Variants in METTL15 observed in about 807,000 individuals in gnomAD.
The protein encoded by METTL15 is methyltransferase 15, mitochondrial 12S rRNA N4-cytidine.
A neutral mutation model predicts 38.3 loss-of-function variants in METTL15; 34 were observed. That is an observed-to-expected ratio of 0.89 (90% CI 0.68 to 1.18). The LOEUF (loss-of-function observed/expected upper bound fraction) is 1.18. Among genes scored for constraint, METTL15 ranks in the 50% most tolerant of loss-of-function variants. The pLI is 0.00. For synonymous variants in METTL15, 162 were observed against 170.9 expected (o/e 0.95, Z 0.41); for missense variants, 438 against 498.4 (o/e 0.88, Z 1.15).
At chr11:28,304,959 A>G (rs545956204) in intron 6 of METTL15, among the ~76,000 whole-genome samples, 2 of 152,300 alleles carry the variant, frequency 1.3e-5, no homozygotes, top group East Asian at 1.9e-4. Flanking sequence ...GGTCAAACCT[A>G]CAGTTGAATT....
At chr11:28,123,973 A>G in intron 3 of METTL15, 1 of 958,354 alleles carries the variant, frequency 1.0e-6, no homozygotes, top group Non-Finnish European at 1.4e-6. Flanking sequence ...ATAGAGTTGT[A>G]TAAGATTTTA....
In METTL15 at chr11:28,310,878, A is replaced by ATGCTGCTGCTGC. The variant is rs878913369; in HGVS notation, c.778+13974_778+13985dup. Among the ~76,000 whole-genome samples the ATGCTGCTGCTGC allele has an allele frequency of 6.5e-3, 422 of 64,712 alleles. 21 individuals are homozygous for ATGCTGCTGCTGC. The highest frequency in any genetic ancestry group is 0.016 in the African/African-American group (205 of 13,198). The allele number at this position is 64,712 out of a possible 152,430, so 42.5% of individuals were successfully genotyped here. On this transcript the variant is annotated intron_variant, in intron 6 of 6. Coordinates refer to ENST00000407364, the MANE Select transcript of METTL15 (RefSeq NM_001113528.2). ...TTTTCATCTTTAAGACCTAGCTTAAATGCTGCTGCTGCTGCTGCTGCTGCT... is the reference window on the plus strand; with the variant it reads ...TTTTCATCTTTAAGACCTAGCTTAAATGCTGCTGCTGCTGCTGCTGCTGCTGCTGCTGCTGCT...
intron 5 of METTL15, among the ~76,000 whole-genome samples, chr11:28,400,734 G>T (rs1850623138): frequency 6.6e-6 from 1 of 151,842 alleles, no homozygotes; most frequent in Non-Finnish European, 1.5e-5. Flanking sequence ...ACTGTGGGTG[G>T]GCTTGGTCAA....
intron 6 of METTL15, among the ~76,000 whole-genome samples, chr11:28,506,675 T>A (rs1356005799): frequency 6.6e-6 from 1 of 151,934 alleles, no homozygotes; most frequent in African/African-American, 2.4e-5. Context: ...CCTTTTGCTG[T>A]GTTCAAAGTG....
At chr11:28,389,961 T>A (rs1203423056) in intron 5 of METTL15, among the ~76,000 whole-genome samples, 4 of 152,154 alleles carry the variant, frequency 2.6e-5, no homozygotes, top group African/African-American at 9.7e-5. Context: ...GTGGTTTTGA[T>A]TTGCATTTCT....
At chr11:28,305,305 G>A (rs891147471) in intron 6 of METTL15, among the ~76,000 whole-genome samples, 22 of 152,058 alleles carry the variant, frequency 1.4e-4, no homozygotes, top group African/African-American at 5.1e-4. Flanking sequence ...TGTTCCAGTC[G>A]CAACTGACTA....
intron 3 of METTL15, among the ~76,000 whole-genome samples, chr11:28,145,957 T>C (rs1849868152): frequency 6.6e-6 from 1 of 152,078 alleles, no homozygotes. Flanking sequence ...CCACTGCTAT[T>C]TTAATGAGTT....
intron 6 of METTL15, among the ~76,000 whole-genome samples, chr11:28,487,873 A>G (rs1851451259): frequency 6.6e-6 from 1 of 152,172 alleles, no homozygotes; most frequent in African/African-American, 2.4e-5. Flanking sequence ...AGTAAGAAGG[A>G]GCAAACATTT....
At chr11:28,150,445 C>T (rs1378645220) in intron 3 of METTL15, among the ~76,000 whole-genome samples, 1 of 151,810 alleles carries the variant, frequency 6.6e-6, no homozygotes, top group Admixed American at 6.6e-5. Context: ...CAAACAAACA[C>T]ACAAACTAAC....
intron 5 of METTL15, among the ~76,000 whole-genome samples, chr11:28,419,463 G>T (rs1850801724): frequency 6.6e-6 from 1 of 152,126 alleles, no homozygotes; most frequent in African/African-American, 2.4e-5. Context: ...CCCTAATACA[G>T]ATATGGCTGC....
At chr11:28,500,127 C>T (rs911740972) in intron 6 of METTL15, among the ~76,000 whole-genome samples, 21 of 151,818 alleles carry the variant, frequency 1.4e-4, no homozygotes, top group African/African-American at 4.6e-4. Context: ...CATAGAAACT[C>T]CTGTAGTGGC....
At chr11:28,474,220 A>G (rs959649560) in intron 6 of METTL15, among the ~76,000 whole-genome samples, 23 of 151,808 alleles carry the variant, frequency 1.5e-4, no homozygotes, top group Admixed American at 1.4e-3. Flanking sequence ...CATATTAAAT[A>G]TGTCTATATA....
downstream of METTL15, among the ~76,000 whole-genome samples, chr11:28,530,880 TA>T (rs1159955261): frequency 6.6e-6 from 1 of 152,086 alleles, no homozygotes; most frequent in Non-Finnish European, 1.5e-5. Flanking sequence ...ATGTCTCTCT[TA>T]AAAACTCTGT....
chr11:28,212,402 A>G (rs1046365069), intron 4 of METTL15, among the ~76,000 whole-genome samples: 24 of 152,120 alleles, frequency 1.6e-4, no homozygotes, highest in African/African-American at 4.8e-4. Flanking sequence ...CTTTAAGAAG[A>G]TGTTTTATTA....
In METTL15 at chr11:28,331,847, G is replaced by A. The variant is rs969327683; in HGVS notation, c.*1006G>A. 5.9e-5 allele frequency: 9 copies of A among 152,078 alleles called. No homozygotes were observed. The highest frequency in any genetic ancestry group is 1.3e-4 in the Admixed American group (2 of 15,274). The allele number at this position is 152,078 out of a possible 1,614,324, so 9.4% of individuals were successfully genotyped here. On this transcript the variant is annotated 3_prime_UTR_variant, in exon 7 of 7. Coordinates refer to ENST00000407364, the MANE Select transcript of METTL15 (RefSeq NM_001113528.2). ...ATTATTTATACTTAAATTGTGACCT[G>A]AAAGATGAGTTGGAGATAATTAGTC...
chr11:28,431,810 A>AAAAAAAAAAAAAAAAAAAG (rs1850933877), intron 6 of METTL15, among the ~76,000 whole-genome samples: 4 of 6,750 alleles, frequency 5.9e-4, no homozygotes, highest in Admixed American at 4.3e-3. Context: ...AAAAAAAAGA[A>AAAAAAAAAAAAAAAAAAAG]AAAAAAAAAA....
chr11:28,519,821 A>G (rs1027526850), intron 6 of METTL15, among the ~76,000 whole-genome samples: 2 of 152,150 alleles, frequency 1.3e-5, no homozygotes, highest in African/African-American at 4.8e-5. Context: ...CTTGTTATAG[A>G]AGAGGAATCT....
chr11:28,462,893 G>A (rs1851227978), intron 6 of METTL15, among the ~76,000 whole-genome samples: 1 of 152,094 alleles, frequency 6.6e-6, no homozygotes, highest in Non-Finnish European at 1.5e-5. Flanking sequence ...TTTATGAAGG[G>A]TTCTGTATGT....
chr11:28,500,892 GT>G (rs1275296744), intron 6 of METTL15, among the ~76,000 whole-genome samples: 2 of 152,120 alleles, frequency 1.3e-5, no homozygotes. Flanking sequence ...GTAAGCCCAA[GT>G]GCTATATCTA....
Sources: allele counts gnomAD v4.1 joint callset (sites outside exome capture counted in the v4.1 genomes callset), GRCh38; gene constraint gnomAD v4.1.1; transcripts MANE v1.5; gene names NCBI Gene and HGNC (gene_info 2026-07-23, HGNC 2026-07-21).